The following ITGA9 variants were observed in gnomAD, a reference collection of about 807,000 sequenced individuals.
ITGA9 encodes integrin alpha-9.
A neutral mutation model predicts 127.8 loss-of-function variants in ITGA9; 56 were observed. The ratio of observed to expected loss-of-function variants is 0.44; its 90% CI spans 0.35 to 0.55. The LOEUF is 0.55. Ranked by LOEUF, ITGA9 falls within the 20% of genes least tolerant of loss-of-function variation. The pLI is 0.00. For missense variants in ITGA9, 1,196 were observed against 1,347.1 expected, an observed-to-expected ratio of 0.89 and a Z score of 1.76; for synonymous variants, 508 against 514.5, an observed-to-expected ratio of 0.99 and a Z score of 0.17.
At chr3:37,565,768 A>G (rs941454058) in intron 15 of ITGA9, among the ~76,000 whole-genome samples, 1 of 152,178 alleles carries the variant, frequency 6.6e-6, no homozygotes, top group Non-Finnish European at 1.5e-5. Context: ...TGTACCTCTG[A>G]GGTGGACCTT....
chr3:37,548,512 G>T (rs1169144170), intron 15 of ITGA9, among the ~76,000 whole-genome samples: 1 of 152,066 alleles, frequency 6.6e-6, no homozygotes, highest in Non-Finnish European at 1.5e-5. Context: ...GTTCCATATT[G>T]GTGCATATAG....
intron 16 of ITGA9, among the ~76,000 whole-genome samples, chr3:37,651,397 G>A (rs1700428361): frequency 6.6e-6 from 1 of 152,198 alleles, no homozygotes; most frequent in Non-Finnish European, 1.5e-5. Flanking sequence ...CAGTGTGCTG[G>A]TATTGGCTCT....
At chr3:37,698,650 AC>A (rs1425264238) in intron 18 of ITGA9, among the ~76,000 whole-genome samples, 1 of 152,110 alleles carries the variant, frequency 6.6e-6, no homozygotes, top group Non-Finnish European at 1.5e-5. Context: ...ACATTTTTAT[AC>A]CAGTTTTCGT....
intron 15 of ITGA9, among the ~76,000 whole-genome samples, chr3:37,567,366 G>A (rs1014365636): frequency 1.3e-5 from 2 of 152,132 alleles, no homozygotes; most frequent in African/African-American, 4.8e-5. Context: ...AGTGAGAATT[G>A]TGGTAGCTAC....
intron 7 of ITGA9, among the ~76,000 whole-genome samples, chr3:37,506,402 G>A (rs1369237502): frequency 6.6e-6 from 1 of 152,150 alleles, no homozygotes; most frequent in Non-Finnish European, 1.5e-5. Context: ...ATGGCATTTA[G>A]TGCTGTCCAA....
At chr3:37,651,837 T>C (rs1204847611) in intron 16 of ITGA9, among the ~76,000 whole-genome samples, 1 of 152,076 alleles carries the variant, frequency 6.6e-6, no homozygotes, top group Non-Finnish European at 1.5e-5. Context: ...ACCAGAGTGA[T>C]AGCTGGCATG....
intron 17 of ITGA9, among the ~76,000 whole-genome samples, chr3:37,659,962 T>A (rs1022250933): frequency 2.0e-5 from 3 of 149,152 alleles, no homozygotes; most frequent in African/African-American, 7.5e-5. Context: ...TCAGTTTGAG[T>A]TTACTGGAGG....
At chr3:37,504,808 A>G (rs937008278) in intron 6 of ITGA9, among the ~76,000 whole-genome samples, 4 of 152,210 alleles carry the variant, frequency 2.6e-5, no homozygotes, top group African/African-American at 7.2e-5. Context: ...AATCAGCCAC[A>G]TGGTGAGGAA....
chr3:37,533,263 TGA>T (rs1372131109), intron 13 of ITGA9, 49 bp from the exon 14 acceptor site: 2 of 1,575,744 alleles, frequency 1.3e-6, no homozygotes, highest in Admixed American at 3.3e-5. Context: ...TGTTTGGTTC[TGA>T]GAGCTGCTCC....
intron 15 of ITGA9, among the ~76,000 whole-genome samples, chr3:37,545,944 T>C (rs1316357516): frequency 6.6e-6 from 1 of 152,190 alleles, no homozygotes; most frequent in Non-Finnish European, 1.5e-5. Flanking sequence ...CTCACAGAAG[T>C]CAGAGGCCCG....
At chr3:37,512,013 CTTTTCTTTTCTTTTCTTTCTTTCTTT>C (rs1698915598) in intron 8 of ITGA9, among the ~76,000 whole-genome samples, 9 of 35,534 alleles carry the variant, frequency 2.5e-4, no homozygotes, top group African/African-American at 7.6e-4. Context: ...CTTTTCTTTT[CTTTTCTTTTCTTTTCTTTCTTTCTTT>C]CTTTCTTTCT....
At chr3:37,649,127 A>C (rs79147562) in intron 16 of ITGA9, among the ~76,000 whole-genome samples, 5,798 of 151,416 alleles carry the variant, frequency 0.038, 131 homozygotes, top group Non-Finnish European at 0.049. Context: ...AAAAAAAAAA[A>C]AGAAACAAAA....
At chr3:37,653,457 G>C (rs943184041) in intron 16 of ITGA9, among the ~76,000 whole-genome samples, 4 of 152,174 alleles carry the variant, frequency 2.6e-5, no homozygotes, top group Admixed American at 6.5e-5. Context: ...ACTGCTTGGA[G>C]AAGCACTTCA....
intron 15 of ITGA9, among the ~76,000 whole-genome samples, chr3:37,627,583 T>A (rs1700188759): frequency 6.6e-6 from 1 of 152,220 alleles, no homozygotes; most frequent in South Asian, 2.1e-4. Flanking sequence ...AAATCCTCTT[T>A]AACTTTGTTT....
intron 20 of ITGA9, among the ~76,000 whole-genome samples, chr3:37,738,898 C>T (rs1171204405): frequency 6.6e-6 from 1 of 152,212 alleles, no homozygotes; most frequent in Non-Finnish European, 1.5e-5. Flanking sequence ...GTTAGAATAA[C>T]ATGTCCACAC....
Position 37,631,532 on chromosome 3 carries a change from C to T in ITGA9, c.1839+2196C>T, listed in dbSNP as rs552945453. Among the ~76,000 whole-genome samples the T allele has an allele frequency of 2.2e-4, 34 of 152,212 alleles. 1 individual carries two copies. The South Asian group carries it at 5.2e-3, about 23-fold the overall frequency. ...TTGCAATGATTATAAATGAGTAGAT[C>T]GGAACAGGGAGGACAACACTGTGAA... On this transcript the variant is annotated intron_variant, in intron 16 of 27. Transcript: ENST00000264741.
intron 17 of ITGA9, among the ~76,000 whole-genome samples, chr3:37,683,630 T>C (rs1311171239): frequency 1.3e-5 from 2 of 152,200 alleles, no homozygotes; most frequent in Admixed American, 1.3e-4. Context: ...CAAGATTTCA[T>C]GTGAGCCTCT....
intron 15 of ITGA9, among the ~76,000 whole-genome samples, chr3:37,588,359 T>C (rs1182614933): frequency 8.1e-6 from 1 of 124,204 alleles, no homozygotes; most frequent in Non-Finnish European, 1.6e-5. Flanking sequence ...CCATCCCGCA[T>C]GGCAATGGGC....
At chr3:37,592,020 C>G (rs2125615598) in intron 15 of ITGA9, among the ~76,000 whole-genome samples, 1 of 152,170 alleles carries the variant, frequency 6.6e-6, no homozygotes, top group Non-Finnish European at 1.5e-5. Context: ...TAGGGGTGGG[C>G]TGAGGAGGGG....
Sources: gnomAD v4.1 joint callset for allele counts (sites outside exome capture counted in the v4.1 genomes callset) on GRCh38, gnomAD v4.1.1 for gene constraint, MANE v1.5 for transcripts, NCBI Gene and HGNC (gene_info 2026-07-23, HGNC 2026-07-21) for gene names.